The following SLC15A5 variants were observed in gnomAD, a reference collection of about 807,000 sequenced individuals.
SLC15A5 encodes the protein Peptide/histidine transporter ENSP00000340402.
A neutral mutation model predicts 56.1 loss-of-function variants in SLC15A5; 58 were observed. The observed-to-expected ratio is 1.03, with a 90% confidence interval of 0.84 to 1.29. SLC15A5 has a LOEUF of 1.29. SLC15A5 is among the 50% of genes most tolerant of loss of function. The probability of loss-of-function intolerance (pLI) is 0.00; values close to 1 mark genes in which losing one functional copy is unlikely to be tolerated. For synonymous variants in SLC15A5, 264 were observed against 250.5 expected, an observed-to-expected ratio of 1.05 and a Z score of -0.51; for missense variants, 681 against 672.1, an observed-to-expected ratio of 1.01 and a Z score of -0.15.
intron 5 of SLC15A5, among the ~76,000 whole-genome samples, chr12:16,231,351 G>T (rs1322083769): frequency 1.3e-5 from 2 of 152,112 alleles, no homozygotes; most frequent in African/African-American, 4.8e-5. Flanking sequence ...GTCAGAGAAA[G>T]AGAAAACAAT....
intron 7 of SLC15A5, among the ~76,000 whole-genome samples, chr12:16,202,134 A>G (rs1304131250): frequency 6.6e-6 from 1 of 152,190 alleles, no homozygotes; most frequent in Admixed American, 6.5e-5. Flanking sequence ...GTTTCTGCAC[A>G]GCAAAGGAAA....
rs2136833025 is a variant in SLC15A5 at position 16,277,640 on chromosome 12, A to G, written c.46T>C (p.Tyr16His). The change falls in exon 1 of 9, where the codon TAT becomes CAT. Residue 16 changes from tyrosine to histidine, a missense_variant. Physicochemically the swap from Tyr to His is moderately conservative, Grantham distance 83. Transcript: ENST00000344941. The part of the protein sequence containing the change: ...FTITDEKVHL[Y>H]HSIEKEKTVR... ...GTTTTCTCCTTCTCAATGCTGTGAT[A>G]TAAGTGTACTTTCTCATCAGTTATG... is the stretch of plus-strand genomic sequence containing the variant. 6.5e-7 allele frequency: 1 copy of G among 1,536,068 alleles called. No individual in the cohort carries two copies. The highest frequency in any genetic ancestry group is 1.2e-5 in the South Asian group (1 of 83,994).
At chr12:16,197,917 T>C (rs1487451369) in intron 7 of SLC15A5, among the ~76,000 whole-genome samples, 1 of 152,176 alleles carries the variant, frequency 6.6e-6, no homozygotes, top group African/African-American at 2.4e-5. Context: ...TTCCAGTAGC[T>C]GATTGAAATC....
At chr12:16,220,770 A>G (rs1426344090) in intron 6 of SLC15A5, among the ~76,000 whole-genome samples, 1 of 152,086 alleles carries the variant, frequency 6.6e-6, no homozygotes, top group Non-Finnish European at 1.5e-5. Flanking sequence ...CTTACTCTCC[A>G]CTACTCAACC....
chr12:16,200,769 A>G (rs1438560348), intron 7 of SLC15A5, among the ~76,000 whole-genome samples: 1 of 152,138 alleles, frequency 6.6e-6, no homozygotes, highest in African/African-American at 2.4e-5. Context: ...GCACATTTAA[A>G]GGCACATAGG....
intron 7 of SLC15A5, among the ~76,000 whole-genome samples, chr12:16,209,450 C>T (rs901344989): frequency 1.4e-4 from 22 of 152,004 alleles, no homozygotes; most frequent in African/African-American, 4.1e-4. Flanking sequence ...TGGTTTCAAA[C>T]GTTATTTTTG....
chr12:16,248,804 C>T (rs908482494), intron 3 of SLC15A5, among the ~76,000 whole-genome samples: 1 of 151,890 alleles, frequency 6.6e-6, no homozygotes, highest in Non-Finnish European at 1.5e-5. Flanking sequence ...TTTTCTGTAC[C>T]AGGAGCAGAA....
At chr12:16,275,027 C>G (rs117742790) in intron 1 of SLC15A5, among the ~76,000 whole-genome samples, 1 of 152,028 alleles carries the variant, frequency 6.6e-6, no homozygotes, top group Non-Finnish European at 1.5e-5. Flanking sequence ...ATGTGTCATA[C>G]CCCCTGCCAG....
Position 16,235,469 on chromosome 12 carries a change from TA to T in SLC15A5, c.1162+4211del, listed in dbSNP as rs1263283379. On this transcript the variant is annotated intron_variant, in intron 5 of 8. Coordinates refer to ENST00000344941, the MANE Select transcript of SLC15A5 (RefSeq NM_001170798.1). This position sits in a 1 kb window ranked among gnomAD's most constrained non-coding sequence, Gnocchi z 4.1. ...TACATAGAGATAAAATATGCAAATGTATCTCTATAAGGCATCAGTTATTTGC... is the reference window on the plus strand; with the variant it reads ...TACATAGAGATAAAATATGCAAATGTTCTCTATAAGGCATCAGTTATTTGC... Among the ~76,000 whole-genome samples the T allele has an allele frequency of 6.6e-6, 1 of 152,014 alleles. No homozygotes were observed. Among genetic ancestry groups the T allele is most frequent in the Admixed American group, 6.6e-5 (1 of 15,262 alleles).
At chr12:16,254,374 C>T (rs990757567) in intron 3 of SLC15A5, among the ~76,000 whole-genome samples, 1 of 151,942 alleles carries the variant, frequency 6.6e-6, no homozygotes, top group Admixed American at 6.6e-5. Context: ...TTTAGTGTTG[C>T]GGCAAGATGA....
chr12:16,190,035 G>A (rs531650834), intron 8 of SLC15A5, among the ~76,000 whole-genome samples: 11 of 152,120 alleles, frequency 7.2e-5, no homozygotes, highest in Non-Finnish European at 1.5e-4. Context: ...ACCTTTAGGT[G>A]GCGCTTTTTA....
At position 16,206,226 on chromosome 12, in the gene SLC15A5, C is replaced by T. The variant is rs148574276; in HGVS notation, c.1483+10667G>A. On this transcript the variant is annotated intron_variant, in intron 7 of 8. Transcript: ENST00000344941. The stretch of plus-strand genomic sequence containing the variant: ...TGATTTGGACAACGTATGCAACTCT[C>T]TGACCTCATTTTCCTCTTACATATG... 8.9e-3 allele frequency among the ~76,000 whole-genome samples: 1,362 copies of T among 152,314 alleles called. 16 individuals are homozygous for T. Among genetic ancestry groups the T allele is most frequent in the Middle Eastern group, 0.01 (3 of 294 alleles).
intron 7 of SLC15A5, among the ~76,000 whole-genome samples, chr12:16,201,990 A>C (rs1023502748): frequency 6.6e-6 from 1 of 152,174 alleles, no homozygotes; most frequent in African/African-American, 2.4e-5. Flanking sequence ...AATGCAAGAC[A>C]TGAAACTGTA....
chr12:16,271,238 CT>C lies in SLC15A5; in HGVS notation c.584+1322del, dbSNP rs2136823817. Among the ~76,000 whole-genome samples the C allele has an allele frequency of 6.6e-6, 1 of 152,216 alleles. No homozygotes were observed. Among genetic ancestry groups the C allele is most frequent in the East Asian group, 1.9e-4 (1 of 5,176 alleles). On this transcript the variant is annotated intron_variant, in intron 2 of 8. Transcript: ENST00000344941. The surrounding 1 kb of genome is among the most constrained non-coding windows in gnomAD (Gnocchi z 8.0). ...TTGTAATCAACACTGAGAAATGTCA[CT>C]TTGATTAAACACAACTCTGAATGAC...
chr12:16,208,415 A>G (rs867857936), intron 7 of SLC15A5, among the ~76,000 whole-genome samples: 20 of 152,208 alleles, frequency 1.3e-4, no homozygotes, highest in African/African-American at 4.8e-4. Context: ...CTTTTGCTAT[A>G]TTCCCATCTA....
intron 7 of SLC15A5, among the ~76,000 whole-genome samples, chr12:16,205,594 TATAC>T (rs1266215238): frequency 0.05 from 1,904 of 38,408 alleles, 128 homozygotes; most frequent in African/African-American, 0.17. Context: ...TATATATACA[TATAC>T]ACACACACAC....
chr12:16,202,517 T>C (rs151322117), intron 7 of SLC15A5, among the ~76,000 whole-genome samples: 1 of 152,224 alleles, frequency 6.6e-6, no homozygotes. Context: ...GTACATCTAT[T>C]ATGGAAAGCA....
At chr12:16,207,640 A>G (rs945707585) in intron 7 of SLC15A5, among the ~76,000 whole-genome samples, 7 of 151,242 alleles carry the variant, frequency 4.6e-5, no homozygotes, top group African/African-American at 1.7e-4. Context: ...ACCACCAGCG[A>G]TATTTTTTTT....
rs1864250893 is a variant in SLC15A5, at chr12:16,227,188, G to C, written c.1163-2586C>G. On this transcript the variant is annotated intron_variant, in intron 5 of 8. Coordinates refer to ENST00000344941, the MANE Select transcript of SLC15A5 (RefSeq NM_001170798.1). ...ACTATTTTAAATTAAGGACTATAAA[G>C]GCTTATTCATAGTAAAGTAGAGATT... Among the ~76,000 whole-genome samples the C allele has an allele frequency of 2.0e-5, 3 of 152,168 alleles. No individual in the cohort carries two copies. In the East Asian group the frequency reaches 5.8e-4, roughly 29 times the overall value.
Sources: gnomAD v4.1 joint callset for allele counts (sites outside exome capture counted in the v4.1 genomes callset) on GRCh38, gnomAD v4.1.1 for gene constraint, Gnocchi (gnomAD v3.1) non-coding constraint, MANE v1.5 for transcripts, NCBI Gene and HGNC (gene_info 2026-07-23, HGNC 2026-07-21) for gene names.